The following ANK2 variants were observed in gnomAD, a reference collection of about 807,000 sequenced individuals.
ANK2 encodes the protein ankyrin 2, also known as ankyrin-2.
A neutral mutation model predicts 360.5 loss-of-function variants in ANK2; 83 were observed. The ratio of observed to expected loss-of-function variants is 0.23; its 90% CI spans 0.19 to 0.28. The LOEUF is 0.28. Among genes scored for constraint, ANK2 ranks in the 10% least tolerant of loss-of-function variants. The pLI is 1.00. For missense variants in ANK2, 4,201 were observed against 4,795.7 expected (o/e 0.88, Z 3.66); for synonymous variants, 1,740 against 1,759.5 (o/e 0.99, Z 0.28).
Position 113,049,662 on chromosome 4 carries a change from C to A in ANK2, c.-67C>A, listed in dbSNP as rs2066025964. 23 of 1,440,912 alleles carry A rather than the reference C, an allele frequency of 1.6e-5. No homozygotes were observed. The highest frequency in any genetic ancestry group is 5.7e-5 in the Admixed American group (3 of 52,556). 89.3% of individuals were successfully genotyped at this position (1,440,912 alleles called of 1,614,324 possible). ...CCTGCTTTCCTCCAGTAAGTGCATACCCGCTAGTGGTCTGTACAGGCGGCA... is the reference window on the plus strand; with the variant it reads ...CCTGCTTTCCTCCAGTAAGTGCATAACCGCTAGTGGTCTGTACAGGCGGCA... On this transcript the variant is annotated 5_prime_UTR_variant, in exon 1 of 46. Coordinates refer to ENST00000357077, the MANE Select transcript of ANK2 (RefSeq NM_001148.6).
At chr4:112,887,705 A>G (rs1339177564) in intron 1 of ANK2, among the ~76,000 whole-genome samples, 1 of 152,152 alleles carries the variant, frequency 6.6e-6, no homozygotes, top group Admixed American at 6.5e-5. Flanking sequence ...TTAGCAGACT[A>G]AAGAGATTGG....
chr4:113,337,402 A>T (rs1191622689), intron 31 of ANK2, among the ~76,000 whole-genome samples: 15 of 152,188 alleles, frequency 9.9e-5, no homozygotes, highest in Admixed American at 9.8e-4. Context: ...ACACTCCCAG[A>T]ACGTTGGTAG....
At chr4:112,789,536 A>C in the ANK2 span, among the ~76,000 whole-genome samples, 51 of 152,342 alleles carry the variant, frequency 3.3e-4, no homozygotes, top group Middle Eastern at 6.8e-3. Flanking sequence ...AAAAATAAGC[A>C]TACTTATATT....
chr4:113,333,097 A>G lies in ANK2; in HGVS notation c.3268A>G (p.Lys1090Glu), dbSNP rs1384689202. 2 of 1,614,228 alleles carry G rather than the reference A, an allele frequency of 1.2e-6. No individual in the cohort carries two copies. Among genetic ancestry groups the G allele is most frequent in the East Asian group, 4.5e-5 (2 of 44,896 alleles). Reference protein sequence around the residue: ...EIPHFAALRGKERELVVLRSE... With the variant: ...EIPHFAALRGEERELVVLRSE... ...CCCTCACTTTGCGGCCCTTCGAGGAAAGGAAAGGGAACTGGTGGTCCTGCG... is the reference window on the plus strand; with the variant it reads ...CCCTCACTTTGCGGCCCTTCGAGGAGAGGAAAGGGAACTGGTGGTCCTGCG... Residue 1090 changes from lysine (K) to glutamate (E), a missense_variant, in exon 29 of 46, where the codon AAG (lysine) becomes GAG (glutamate). Transcript: ENST00000357077.
At chr4:112,768,136 T>C in the ANK2 span, among the ~76,000 whole-genome samples, 1 of 152,210 alleles carries the variant, frequency 6.6e-6, no homozygotes, top group Non-Finnish European at 1.5e-5. Context: ...CTTTATATAT[T>C]GTCCTTTATG....
the ANK2 span, among the ~76,000 whole-genome samples, chr4:112,726,946 A>C: frequency 6.6e-6 from 1 of 152,002 alleles, no homozygotes; most frequent in South Asian, 2.1e-4. Flanking sequence ...AATTATCAAT[A>C]ATTTATTGGA....
the ANK2 span, among the ~76,000 whole-genome samples, chr4:112,810,159 ATTTTTTTTTTT>A: frequency 1.0e-3 from 36 of 35,778 alleles, no homozygotes; most frequent in African/African-American, 3.8e-3. Context: ...ATATATATAT[ATTTTTTTTTTT>A]TTTTTTTTTT....
At chr4:112,732,930 A>G in the ANK2 span, among the ~76,000 whole-genome samples, 9 of 151,726 alleles carry the variant, frequency 5.9e-5, no homozygotes, top group Admixed American at 2.6e-4. Flanking sequence ...AAATACAAAA[A>G]AAAAGGGGCC....
At chr4:112,822,434 A>G (rs2057381900) in intron 1 of ANK2, among the ~76,000 whole-genome samples, 1 of 148,698 alleles carries the variant, frequency 6.7e-6, no homozygotes, top group East Asian at 2.0e-4. Flanking sequence ...AAAAAAAAAG[A>G]AAAACAACAA....
chr4:113,070,553 TG>T (rs1187600661), intron 1 of ANK2, among the ~76,000 whole-genome samples: 7 of 152,224 alleles, frequency 4.6e-5, no homozygotes, highest in African/African-American at 1.7e-4. Context: ...TTCCTGGTTT[TG>T]GTCCATCATA....
intron 4 of ANK2, among the ~76,000 whole-genome samples, chr4:113,228,183 T>C (rs556346959): frequency 6.2e-4 from 94 of 152,240 alleles, no homozygotes; most frequent in Non-Finnish European, 1.2e-3. Context: ...TTTTTTGTTT[T>C]GTTTTAACTT....
At chr4:113,368,156 C>T (rs2096603230) in intron 42 of ANK2, among the ~76,000 whole-genome samples, 1 of 152,182 alleles carries the variant, frequency 6.6e-6, no homozygotes, top group Admixed American at 6.5e-5. Flanking sequence ...TGACTCATCT[C>T]ACAGGGTCAA....
intron 4 of ANK2, 150 bp from the exon 5 acceptor site, chr4:113,232,011 G>C: frequency 1.6e-6 from 1 of 631,438 alleles, no homozygotes; most frequent in South Asian, 1.7e-5. Flanking sequence ...GATTCACTGC[G>C]ATTTTGTCTA....
intron 6 of ANK2, 86 bp downstream of exon 6, chr4:113,237,258 G>A (rs1231122224): frequency 8.2e-6 from 12 of 1,455,572 alleles, no homozygotes; most frequent in Admixed American, 1.7e-5. Context: ...AGGCCATGGT[G>A]ATAATGCAAA....
intron 13 of ANK2, among the ~76,000 whole-genome samples, chr4:113,263,710 G>A (rs1295107740): frequency 2.0e-5 from 3 of 152,128 alleles, no homozygotes; most frequent in Admixed American, 2.0e-4. Flanking sequence ...TATTTGGAAT[G>A]GTTTACTTTA....
intron 1 of ANK2, among the ~76,000 whole-genome samples, chr4:112,871,308 C>T (rs2072928893): frequency 6.6e-6 from 1 of 152,038 alleles, no homozygotes; most frequent in African/African-American, 2.4e-5. Flanking sequence ...GCCTCAGCCT[C>T]CCAAGAGGCT....
chr4:113,241,719 A>G (rs925025981), intron 8 of ANK2, among the ~76,000 whole-genome samples: 6 of 152,180 alleles, frequency 3.9e-5, no homozygotes, highest in African/African-American at 1.4e-4. Context: ...AAGAATCATA[A>G]AACTTAAGAT....
rs771607762 is a variant in ANK2 at position 113,356,751 on chromosome 4, G to T, written c.8133G>T (p.Gln2711His). The T allele has an allele frequency of 1.2e-6, 2 of 1,613,960 alleles. No homozygotes were observed. The highest frequency in any genetic ancestry group is 1.7e-6 in the Non-Finnish European group (2 of 1,179,990). ...CCAGTCCAGAAGAAGTACAATTCCA[G>T]CCTGTCGTTTCCAAACAATATACTT... ...SNSSPEEVQF[Q>H]PVVSKQYTFK... The change falls in exon 38 of 46, where the codon CAG (glutamine) becomes CAT (histidine). Residue 2711 changes from glutamine (Q) to histidine (H), a missense_variant. Gln to His is a conservative substitution (Grantham distance 24, BLOSUM62 0). Transcript: ENST00000357077.
chr4:112,898,580 T>C (rs2082382432), intron 1 of ANK2, among the ~76,000 whole-genome samples: 1 of 152,192 alleles, frequency 6.6e-6, no homozygotes, highest in Non-Finnish European at 1.5e-5. Flanking sequence ...CTGACAGTGT[T>C]TATATGATTT....
Sources: gnomAD v4.1 joint callset for allele counts (sites outside exome capture counted in the v4.1 genomes callset) on GRCh38, gnomAD v4.1.1 for gene constraint, MANE v1.5 for transcripts, NCBI Gene and HGNC (gene_info 2026-07-23, HGNC 2026-07-21) for gene names.